Variants in KCNH3 observed in about 807,000 individuals in gnomAD.
The protein encoded by KCNH3 is voltage-gated inwardly rectifying potassium channel KCNH3.
KCNH3 carries 36 observed loss-of-function variants against 95.6 expected under a neutral mutation model. The ratio of observed to expected loss-of-function variants is 0.38; its 90% CI spans 0.29 to 0.50. The LOEUF (loss-of-function observed/expected upper bound fraction) is 0.50, where lower values mean the gene tolerates loss of function less well. Ranked by LOEUF, KCNH3 falls within the 20% of genes least tolerant of loss-of-function variation. The pLI, the probability that KCNH3 is intolerant of heterozygous loss-of-function variation, is 0.95. For missense variants in KCNH3, 1,030 were observed against 1,484.1 expected (o/e 0.69, Z 5.03); for synonymous variants, 620 against 646.3 (o/e 0.96, Z 0.62).
chr12:49,554,572 G>A lies in KCNH3; in HGVS notation c.2136+18G>A. ...CTGCAGAGGTGAGTGTGCTGAGTAT[G>A]TGCTTGGAGGGGATGGGGGTGCCAG... On this transcript the variant is annotated intron_variant, in intron 11 of 14. Coordinates refer to ENST00000257981, the MANE Select transcript of KCNH3 (RefSeq NM_012284.3). 1 of 1,592,866 alleles carries A rather than the reference G, an allele frequency of 6.3e-7. No individual in the cohort carries two copies. Among genetic ancestry groups the A allele is most frequent in the South Asian group, 1.1e-5 (1 of 90,740 alleles).
At chr12:49,543,205 A>C in intron 4 of KCNH3, 70 bp from the exon 5 acceptor site, 4 of 1,540,242 alleles carry the variant, frequency 2.6e-6, no homozygotes, top group Non-Finnish European at 3.5e-6. Context: ...TGCGGGTCCC[A>C]GACTCTATCC....
intron 8 of KCNH3, 86 bp downstream of exon 8, chr12:49,549,259 G>A (rs1938173479): frequency 2.0e-6 from 3 of 1,492,942 alleles, no homozygotes; most frequent in African/African-American, 1.4e-5. Flanking sequence ...GAGGGCCTGA[G>A]GCCGGGGGCT....
chr12:49,542,855 G>A lies in KCNH3; in HGVS notation c.579+16G>A. Reference sequence around the variant, plus strand: ...GCTCAATAAGGTGGGCTCAGCCCTGGGATGTGTGGGAGAGGGGAGGGGCAG... The same window carrying A: ...GCTCAATAAGGTGGGCTCAGCCCTGAGATGTGTGGGAGAGGGGAGGGGCAG... On this transcript the variant is annotated intron_variant, in intron 4 of 14. Transcript: ENST00000257981. The A allele has an allele frequency of 1.2e-6, 2 of 1,604,012 alleles. No homozygotes were observed. The highest frequency in any genetic ancestry group is 8.5e-7 in the Non-Finnish European group (1 of 1,176,668).
chr12:49,541,958 T>C (rs1423404068), intron 3 of KCNH3, among the ~76,000 whole-genome samples, 194 bp downstream of exon 3: 1 of 152,186 alleles, frequency 6.6e-6, no homozygotes, highest in African/African-American at 2.4e-5. Flanking sequence ...AATAGACAGA[T>C]TGAGACAAAG....
chr12:49,554,680 G>A, intron 11 of KCNH3, 126 bp downstream of exon 11: 1 of 815,114 alleles, frequency 1.2e-6, no homozygotes, highest in Non-Finnish European at 2.0e-6. Flanking sequence ...TCCCACCTTG[G>A]GCAGGGGTCT....
At position 49,543,803 on chromosome 12, in the gene KCNH3, T is replaced by C. The variant is rs919827104; in HGVS notation, c.824-112T>C. On this transcript the variant is annotated intron_variant, in intron 5 of 14. Transcript: ENST00000257981. ...ACAGTTACTGTGAGAACTAAGACGA[T>C]GTATGGGAAGGGCCGGGGACAGTGT... The C allele has an allele frequency of 3.6e-6, 5 of 1,374,454 alleles. No individual in the cohort carries two copies. In the South Asian group the frequency reaches 4.0e-5, roughly 11 times the overall value. 85.1% of individuals were successfully genotyped at this position (1,374,454 alleles called of 1,614,324 possible). A position where few individuals can be genotyped will look rare whatever the true frequency, so the allele number is the denominator to read the frequency against.
chr12:49,552,727 C>T (rs1004095259), intron 10 of KCNH3, among the ~76,000 whole-genome samples: 6 of 152,284 alleles, frequency 3.9e-5, no homozygotes, highest in Admixed American at 6.5e-5. Flanking sequence ...ACTCTGCCCT[C>T]GGTCCTGTCC....
intron 12 of KCNH3, 101 bp downstream of exon 12, chr12:49,556,052 C>T: frequency 1.5e-6 from 1 of 647,268 alleles, no homozygotes; most frequent in Non-Finnish European, 2.7e-6. Flanking sequence ...CATCTTAACT[C>T]CCGCTAGTCT....
chr12:49,548,227 G>T (rs570421231), intron 7 of KCNH3, among the ~76,000 whole-genome samples: 4 of 152,224 alleles, frequency 2.6e-5, no homozygotes, highest in Non-Finnish European at 5.9e-5. Flanking sequence ...GTAGGTACCA[G>T]TGTACCTTTG....
chr12:49,555,536 G>C, intron 11 of KCNH3, 84 bp from the exon 12 acceptor site: 1 of 790,096 alleles, frequency 1.3e-6, no homozygotes, highest in African/African-American at 1.8e-5. Context: ...ATCCCTTCCA[G>C]GGTAGATGAA....
At chr12:49,554,187 G>T in intron 10 of KCNH3, 150 bp from the exon 11 acceptor site, 1 of 673,036 alleles carries the variant, frequency 1.5e-6, no homozygotes, top group Non-Finnish European at 2.6e-6. Flanking sequence ...CATGTCCCAG[G>T]CCTCTTTGCT....
Position 49,557,468 on chromosome 12 carries a change from G to C in KCNH3, c.2767G>C (p.Gly923Arg), listed in dbSNP as rs1938512547. Residue 923 changes from glycine to arginine, a missense_variant, in exon 15 of 15, where the codon GGA (glycine) becomes CGA (arginine). Around this residue, in one of 9 missense-constraint regions of KCNH3, gnomAD observed 464 missense variants for 493.2 expected, o/e 0.94. Coordinates refer to ENST00000257981, the MANE Select transcript of KCNH3 (RefSeq NM_012284.3). ...GGAGGGTCCGTGCCCTCGGGCATCG[G>C]GAGAGGGGCCGTGCCCAGCCAGCAC... ...HREGPCPRAS[G>R]EGPCPASTSG... is the part of the protein sequence containing the mutation. 1 of 1,611,200 alleles carries C rather than the reference G, an allele frequency of 6.2e-7. No homozygotes were observed. The highest frequency in any genetic ancestry group is 8.5e-7 in the Non-Finnish European group (1 of 1,179,392).
chr12:49,541,556 A>T (rs1937871316), intron 2 of KCNH3, 74 bp from the exon 3 acceptor site: 1 of 1,550,486 alleles, frequency 6.4e-7, no homozygotes, highest in Non-Finnish European at 8.8e-7. Flanking sequence ...CCGGGATGTC[A>T]GTGGAGCCAG....
In KCNH3 at chr12:49,542,648, G is replaced by A. The variant is rs1031449879; in HGVS notation, c.446-58G>A. The A allele has an allele frequency of 6.1e-5, 92 of 1,510,660 alleles. 1 individual carries two copies. In the African/African-American group the frequency reaches 8.1e-4, roughly 13 times the overall value. 93.6% of individuals were successfully genotyped at this position (1,510,660 alleles called of 1,614,324 possible). The stretch of plus-strand genomic sequence containing the variant: ...AGCAACTGTGTCCTACACCTGACCC[G>A]GAGCTAGGGTGTGTGGGCACACACC... On this transcript the variant is annotated intron_variant, in intron 3 of 14. Transcript: ENST00000257981.
In KCNH3 at chr12:49,539,367, G is replaced by A. The variant is rs1937788604; in HGVS notation, c.-50G>A. The A allele has an allele frequency of 3.9e-6, 5 of 1,277,132 alleles. No individual in the cohort carries two copies. Among genetic ancestry groups the A allele is most frequent in the African/African-American group, 1.6e-5 (1 of 63,438 alleles). 79.1% of individuals were successfully genotyped at this position (1,277,132 alleles called of 1,614,324 possible). A position where few individuals can be genotyped will look rare whatever the true frequency, so the allele number is the denominator to read the frequency against. On this transcript the variant is annotated 5_prime_UTR_variant, in exon 1 of 15. Coordinates refer to ENST00000257981, the MANE Select transcript of KCNH3 (RefSeq NM_012284.3). This position sits in a 1 kb window ranked among gnomAD's most constrained non-coding sequence, Gnocchi z 6.7. ...CGAGCTGGGCGCCCTCCCCCGGCGC[G>A]GAGTCCCCGCACCCCGGAGGGATGG... is the stretch of plus-strand genomic sequence containing the variant.
At chr12:49,545,087 C>A (rs1565776115) in intron 7 of KCNH3, among the ~76,000 whole-genome samples, 1 of 152,088 alleles carries the variant, frequency 6.6e-6, no homozygotes, top group Non-Finnish European at 1.5e-5. Flanking sequence ...CCTGACCCTG[C>A]CAACCATAGT....
At chr12:49,549,209 C>G in intron 8 of KCNH3, 36 bp downstream of exon 8, 1 of 1,548,864 alleles carries the variant, frequency 6.5e-7, no homozygotes, top group Admixed American at 1.9e-5. Flanking sequence ...CGGGGCCACT[C>G]CCAGACTTCT....
intron 7 of KCNH3, among the ~76,000 whole-genome samples, chr12:49,546,940 G>C (rs573103675): frequency 4.6e-5 from 7 of 152,274 alleles, no homozygotes; most frequent in African/African-American, 1.7e-4. Flanking sequence ...TGTCACCCAG[G>C]CTGGAGTGCA....
chr12:49,540,032 G>A (rs1034108797), intron 1 of KCNH3, among the ~76,000 whole-genome samples: 6 of 152,172 alleles, frequency 3.9e-5, no homozygotes, highest in African/African-American at 1.2e-4. Flanking sequence ...AGATGGTTTG[G>A]GGACTCCCAT....
Sources: gnomAD v4.1 joint callset for allele counts (sites outside exome capture counted in the v4.1 genomes callset) on GRCh38, gnomAD v4.1.1 for gene constraint, gnomAD v4.1.1 regional missense constraint, Gnocchi (gnomAD v3.1) non-coding constraint, MANE v1.5 for transcripts, NCBI Gene and HGNC (gene_info 2026-07-23, HGNC 2026-07-21) for gene names.